The following GRID1 variants were observed in gnomAD, a reference collection of about 807,000 sequenced individuals.
The protein encoded by GRID1 is glutamate receptor ionotropic, delta-1.
GRID1 carries 28 observed loss-of-function variants against 98.0 expected under a neutral mutation model. The observed-to-expected ratio is 0.29, with a 90% CI of 0.21 to 0.39. GRID1 has a LOEUF of 0.39. Among genes scored for constraint, GRID1 ranks in the 10% least tolerant of loss-of-function variants. The pLI is 1.00. For missense variants in GRID1, 1,111 were observed against 1,340.5 expected (o/e 0.83, Z 2.67); for synonymous variants, 553 against 538.5 (o/e 1.03, Z -0.37).
At chr10:86,146,585 C>G (rs1358242218) in intron 3 of GRID1, among the ~76,000 whole-genome samples, 1 of 152,210 alleles carries the variant, frequency 6.6e-6, no homozygotes, top group Non-Finnish European at 1.5e-5. Context: ...GGAGCCTCAC[C>G]TCCCCACACC....
chr10:86,243,826 G>C (rs941183797), intron 2 of GRID1, among the ~76,000 whole-genome samples: 1 of 152,118 alleles, frequency 6.6e-6, no homozygotes, highest in Non-Finnish European at 1.5e-5. Context: ...AGCACAAGGC[G>C]GGCAGATGTC....
At chr10:85,841,108 C>A (rs952689595) in intron 8 of GRID1, among the ~76,000 whole-genome samples, 3 of 152,090 alleles carry the variant, frequency 2.0e-5, no homozygotes, top group Non-Finnish European at 4.4e-5. Flanking sequence ...GCTACAGTAA[C>A]CAAATCAGCA....
intron 8 of GRID1, among the ~76,000 whole-genome samples, chr10:85,774,985 C>G (rs1470754249): frequency 1.3e-5 from 2 of 151,794 alleles, no homozygotes; most frequent in African/African-American, 4.8e-5. Context: ...GGTATATACC[C>G]AAAGGACTAT....
intron 5 of GRID1, among the ~76,000 whole-genome samples, chr10:85,901,632 T>C (rs1290449350): frequency 6.6e-6 from 1 of 152,188 alleles, no homozygotes; most frequent in East Asian, 1.9e-4. Flanking sequence ...CAAAGTCTAC[T>C]GAGTAAATGA....
At chr10:86,099,948 C>A (rs1844272507) in intron 4 of GRID1, among the ~76,000 whole-genome samples, 1 of 152,164 alleles carries the variant, frequency 6.6e-6, no homozygotes, top group Non-Finnish European at 1.5e-5. Flanking sequence ...GGGGCTGGGG[C>A]TCTAATATCA....
intron 8 of GRID1, among the ~76,000 whole-genome samples, chr10:85,751,773 T>C (rs933028715): frequency 4.6e-5 from 7 of 152,180 alleles, no homozygotes; most frequent in Admixed American, 4.6e-4. Flanking sequence ...ATGATTTAAG[T>C]AAAAAAATTA....
chr10:85,944,497 A>G (rs1279901920), intron 4 of GRID1, among the ~76,000 whole-genome samples: 2 of 152,224 alleles, frequency 1.3e-5, no homozygotes, highest in Non-Finnish European at 2.9e-5. Context: ...GACAATAGCT[A>G]TTAAAACTGA....
intron 2 of GRID1, among the ~76,000 whole-genome samples, chr10:86,274,576 T>C (rs1847238797): frequency 6.6e-6 from 1 of 152,160 alleles, no homozygotes; most frequent in African/African-American, 2.4e-5. Flanking sequence ...TTGTATCCTC[T>C]TTTATTTCAT....
At chr10:85,632,581 T>G (rs1033119207) in intron 13 of GRID1, among the ~76,000 whole-genome samples, 52 of 152,150 alleles carry the variant, frequency 3.4e-4, no homozygotes, top group African/African-American at 1.3e-3. Context: ...GTTTTTTTGT[T>G]GTTTTGAGAT....
At chr10:86,156,408 C>G (rs535392557) in intron 3 of GRID1, among the ~76,000 whole-genome samples, 1 of 152,302 alleles carries the variant, frequency 6.6e-6, no homozygotes, top group African/African-American at 2.4e-5. Flanking sequence ...TTTTTTCAAA[C>G]TGTAACTAAG....
intron 12 of GRID1, among the ~76,000 whole-genome samples, chr10:85,667,856 C>T (rs1841040649): frequency 1.3e-5 from 2 of 152,226 alleles, no homozygotes; most frequent in South Asian, 2.1e-4. Flanking sequence ...GACTAGGCTT[C>T]CCCGCTCTGC....
Position 85,621,004 on chromosome 10 carries a change from C to T in GRID1, c.2194-971G>A, listed in dbSNP as rs567024870. 3.3e-4 allele frequency among the ~76,000 whole-genome samples: 50 copies of T among 152,174 alleles called. 1 individual carries two copies. Among genetic ancestry groups the T allele is most frequent in the East Asian group, 1.9e-4 (1 of 5,188 alleles). ...AGCGACAGCTAAAGCCCTACTCTGTCGCACTCATCCACAGCAGAGGTTCTC... is the reference window on the plus strand; with the variant it reads ...AGCGACAGCTAAAGCCCTACTCTGTTGCACTCATCCACAGCAGAGGTTCTC... On this transcript the variant is annotated intron_variant, in intron 13 of 15. Transcript: ENST00000327946.
chr10:86,089,821 A>G (rs1844118932), intron 4 of GRID1, among the ~76,000 whole-genome samples: 1 of 151,594 alleles, frequency 6.6e-6, no homozygotes. Context: ...ATCTCGGCTC[A>G]CTGCAACCTC....
chr10:86,004,749 C>CACACACACAAAA (rs10528713), intron 4 of GRID1, among the ~76,000 whole-genome samples: 3 of 151,362 alleles, frequency 2.0e-5, no homozygotes, highest in Non-Finnish European at 4.4e-5. Context: ...CTCACACACA[C>CACACACACAAAA]ACACACACAG....
chr10:85,739,388 C>T (rs915992000), intron 8 of GRID1, among the ~76,000 whole-genome samples: 1 of 151,856 alleles, frequency 6.6e-6, no homozygotes, highest in East Asian at 1.9e-4. Flanking sequence ...GAGACCAACC[C>T]AGGCAACATG....
intron 2 of GRID1, among the ~76,000 whole-genome samples, chr10:86,221,487 G>A (rs770909101): frequency 3.9e-5 from 6 of 152,240 alleles, no homozygotes; most frequent in African/African-American, 7.2e-5. Context: ...TGGAGAGGAA[G>A]CCTTTGTGGG....
chr10:85,884,182 G>A (rs1377610935), intron 5 of GRID1, among the ~76,000 whole-genome samples: 1 of 152,108 alleles, frequency 6.6e-6, no homozygotes, highest in Non-Finnish European at 1.5e-5. Flanking sequence ...ATTTTTAAAT[G>A]TATTATATCT....
intron 6 of GRID1, among the ~76,000 whole-genome samples, chr10:85,865,916 T>TATATATATATATATATATATACAC (rs1564613230): frequency 2.4e-5 from 2 of 83,030 alleles, no homozygotes; most frequent in Admixed American, 1.5e-4. Context: ...TATATACATA[T>TATATATATATATATATATATACAC]ATATATATAT....
intron 2 of GRID1, among the ~76,000 whole-genome samples, chr10:86,239,349 G>C (rs1846590526): frequency 6.6e-6 from 1 of 152,202 alleles, no homozygotes; most frequent in African/African-American, 2.4e-5. Flanking sequence ...TTTTGAGCTT[G>C]CAGGCTCATA....
Sources: allele counts gnomAD v4.1 joint callset (sites outside exome capture counted in the v4.1 genomes callset), GRCh38; gene constraint gnomAD v4.1.1; transcripts MANE v1.5; gene names NCBI Gene and HGNC (gene_info 2026-07-23, HGNC 2026-07-21).